Variants in CTNNA3 observed in about 807,000 individuals in gnomAD.
The protein encoded by CTNNA3 is catenin alpha-3.
A neutral mutation model predicts 95.7 loss-of-function variants in CTNNA3; 76 were observed. The ratio of observed to expected loss-of-function variants is 0.79; its 90% CI spans 0.66 to 0.96. The LOEUF (loss-of-function observed/expected upper bound fraction) is 0.96. Among genes scored for constraint, CTNNA3 ranks in the 40% least tolerant of loss-of-function variants. The pLI, the probability that CTNNA3 is intolerant of heterozygous loss-of-function variation, is 0.00. For missense variants in CTNNA3, 1,191 were observed against 1,089.8 expected, an observed-to-expected ratio of 1.09 and a Z score of -1.31; for synonymous variants, 431 against 374.4, an observed-to-expected ratio of 1.15 and a Z score of -1.74.
intron 7 of CTNNA3, among the ~76,000 whole-genome samples, chr10:66,995,711 T>C (rs1335310200): frequency 6.6e-6 from 1 of 152,184 alleles, no homozygotes; most frequent in African/African-American, 2.4e-5. Flanking sequence ...TTTGTAGCTT[T>C]GCTTACACTG....
chr10:66,547,450 C>T (rs996642825), intron 10 of CTNNA3, among the ~76,000 whole-genome samples: 1 of 145,808 alleles, frequency 6.9e-6, no homozygotes, highest in Non-Finnish European at 1.5e-5. Flanking sequence ...TGATGCCATT[C>T]TCCTGCCTCA....
At chr10:67,011,259 T>C (rs1852313915) in intron 7 of CTNNA3, among the ~76,000 whole-genome samples, 1 of 151,060 alleles carries the variant, frequency 6.6e-6, no homozygotes, top group Admixed American at 6.6e-5. Context: ...GAGAATTGCT[T>C]GAACCCAGCA....
At chr10:67,138,933 T>C (rs1182539965) in intron 7 of CTNNA3, among the ~76,000 whole-genome samples, 2 of 152,192 alleles carry the variant, frequency 1.3e-5, no homozygotes, top group East Asian at 3.9e-4. Flanking sequence ...AAAACAGAAA[T>C]GAGCACGGAT....
chr10:67,109,504 G>A (rs1858809265), intron 7 of CTNNA3, among the ~76,000 whole-genome samples: 1 of 152,178 alleles, frequency 6.6e-6, no homozygotes, highest in Non-Finnish European at 1.5e-5. Context: ...AGTAGTATTA[G>A]TGAATTCAGC....
chr10:66,826,254 G>T (rs1223341436), intron 7 of CTNNA3, among the ~76,000 whole-genome samples: 1 of 152,098 alleles, frequency 6.6e-6, no homozygotes, highest in Non-Finnish European at 1.5e-5. Flanking sequence ...ACATGTCTAT[G>T]TAATTGAATG....
intron 9 of CTNNA3, among the ~76,000 whole-genome samples, chr10:66,737,282 T>C (rs993972570): frequency 9.2e-5 from 14 of 152,220 alleles, no homozygotes; most frequent in Non-Finnish European, 1.9e-4. Flanking sequence ...ACTTTTCATA[T>C]ATTTATTCTC....
At chr10:67,722,431 T>C (rs978990145) in intron 1 of CTNNA3, among the ~76,000 whole-genome samples, 10 of 152,228 alleles carry the variant, frequency 6.6e-5, no homozygotes, top group Non-Finnish European at 1.5e-5. Context: ...CCTTGAATTT[T>C]AACAGATATC....
intron 16 of CTNNA3, among the ~76,000 whole-genome samples, chr10:65,979,633 C>G (rs1456427710): frequency 6.6e-6 from 1 of 152,012 alleles, no homozygotes; most frequent in East Asian, 1.9e-4. Flanking sequence ...TCCACCTAGA[C>G]CCTAAAACAC....
chr10:66,402,845 C>T (rs1223214140), intron 11 of CTNNA3, among the ~76,000 whole-genome samples: 2 of 152,112 alleles, frequency 1.3e-5, no homozygotes, highest in Non-Finnish European at 2.9e-5. Context: ...GGGAACCCCC[C>T]ACCTAAGGGA....
chr10:66,141,456 T>C lies in CTNNA3; in HGVS notation c.1885-38207A>G, dbSNP rs1203166849. ...TGACTCCCCAGAATTTAGGATTGAA[T>C]GAAGATATCCTCAAACAGTTAAACA... On this transcript the variant is annotated intron_variant, in intron 13 of 17. Coordinates refer to ENST00000433211, the MANE Select transcript of CTNNA3 (RefSeq NM_013266.4). 3.3e-5 allele frequency among the ~76,000 whole-genome samples: 5 copies of C among 152,096 alleles called. 1 individual carries two copies. The highest frequency in any genetic ancestry group is 5.9e-5 in the Non-Finnish European group (4 of 68,016).
intron 13 of CTNNA3, among the ~76,000 whole-genome samples, chr10:66,277,319 A>G (rs947630891): frequency 3.3e-5 from 5 of 152,138 alleles, no homozygotes; most frequent in Non-Finnish European, 5.9e-5. Context: ...ATAAAATGGG[A>G]TTCTGATACA....
chr10:67,442,613 C>CA lies in CTNNA3; in HGVS notation c.579+79228dup, dbSNP rs577080750. Among the ~76,000 whole-genome samples the CA allele has an allele frequency of 2.2e-3, 333 of 151,774 alleles. 2 individuals are homozygous for CA. The highest frequency in any genetic ancestry group is 7.6e-3 in the African/African-American group (314 of 41,414). On this transcript the variant is annotated intron_variant, in intron 5 of 17. Coordinates refer to ENST00000433211, the MANE Select transcript of CTNNA3 (RefSeq NM_013266.4). ...TCAAGACAAAAACTGTACAAAGAGA[C>CA]AAAAAAATCATTATAAAGGATCAAT...
chr10:67,742,045 C>G (rs1841343009), intron 1 of CTNNA3, among the ~76,000 whole-genome samples: 1 of 151,044 alleles, frequency 6.6e-6, no homozygotes, highest in South Asian at 2.1e-4. Context: ...TAGATTGCCA[C>G]ACAATAATAA....
intron 13 of CTNNA3, among the ~76,000 whole-genome samples, chr10:66,230,047 G>GA (rs746762927): frequency 1.3e-5 from 2 of 150,658 alleles, no homozygotes; most frequent in Non-Finnish European, 3.0e-5. Flanking sequence ...TTCACTTATT[G>GA]AATTTTTCAA....
chr10:67,500,032 A>C (rs910148363), intron 5 of CTNNA3, among the ~76,000 whole-genome samples: 9 of 151,788 alleles, frequency 5.9e-5, no homozygotes, highest in Non-Finnish European at 1.3e-4. Context: ...TTAGGGTGTC[A>C]ATTTTAGATC....
chr10:66,919,696 G>A (rs1193011920), intron 7 of CTNNA3, among the ~76,000 whole-genome samples: 2 of 152,080 alleles, frequency 1.3e-5, no homozygotes, highest in Non-Finnish European at 2.9e-5. Context: ...GACCAGACAG[G>A]GTTTTTAATG....
chr10:66,519,016 C>G (rs1366472163), intron 11 of CTNNA3, among the ~76,000 whole-genome samples: 1 of 151,954 alleles, frequency 6.6e-6, no homozygotes, highest in Non-Finnish European at 1.5e-5. Context: ...TGGAACAAAT[C>G]AGGTAACTTT....
intron 11 of CTNNA3, among the ~76,000 whole-genome samples, chr10:66,451,296 TG>T (rs1267800650): frequency 6.6e-6 from 1 of 152,216 alleles, no homozygotes; most frequent in Non-Finnish European, 1.5e-5. Context: ...GCTTGACACG[TG>T]TCATTTTATT....
chr10:66,868,372 T>TA (rs71035195), intron 7 of CTNNA3, among the ~76,000 whole-genome samples: 21,989 of 143,140 alleles, frequency 0.15, 2,039 homozygotes, highest in African/African-American at 0.27. Flanking sequence ...TCGCAAAAAT[T>TA]AAAAAAAAAA....
Sources: gnomAD v4.1 joint callset for allele counts (sites outside exome capture counted in the v4.1 genomes callset) on GRCh38, gnomAD v4.1.1 for gene constraint, MANE v1.5 for transcripts, NCBI Gene and HGNC (gene_info 2026-07-23, HGNC 2026-07-21) for gene names.